The following NAV2 variants were observed in gnomAD, a reference collection of about 807,000 sequenced individuals.
NAV2 encodes the protein helicase, APC down-regulated 1.
Under a neutral mutation model 223.2 loss-of-function variants are expected in NAV2, and 54 were observed. That is an observed-to-expected ratio of 0.24 (90% CI 0.19 to 0.30). The LOEUF (loss-of-function observed/expected upper bound fraction) is 0.30, where lower values mean the gene tolerates loss of function less well. Ranked by LOEUF, NAV2 falls within the 10% of genes least tolerant of loss-of-function variation. NAV2 has a pLI of 1.00. For synonymous variants in NAV2, 1,279 were observed against 1,239.3 expected (o/e 1.03, Z -0.67); for missense variants, 2,806 against 3,147.5 (o/e 0.89, Z 2.60).
rs139259056 is a variant in NAV2, at chr11:19,851,065, C to G, written c.438+8142C>G. On this transcript the variant is annotated intron_variant, in intron 3 of 37. Coordinates refer to ENST00000349880, the MANE Select transcript of NAV2 (RefSeq NM_145117.5). ...GTATAGCAAACACTTAGAGTAGGTA[C>G]TGGTTTAGATATTTTATCTGTATTG... is the stretch of plus-strand genomic sequence containing the variant. Among the ~76,000 whole-genome samples, 445 of 152,254 alleles carry G rather than the reference C, an allele frequency of 2.9e-3. 5 individuals are homozygous for G. Among genetic ancestry groups the G allele is most frequent in the African/African-American group, 0.01 (424 of 41,540 alleles).
rs1429837209 is a variant in NAV2 at position 19,948,861 on chromosome 11, A to G, written c.2426A>G (p.Asn809Ser). Residue 809 changes from asparagine to serine, a missense_variant, in exon 10 of 38, where the codon AAC (asparagine) becomes AGC (serine). Physicochemically the swap from Asn to Ser is conservative, Grantham distance 46. Coordinates refer to ENST00000349880, the MANE Select transcript of NAV2 (RefSeq NM_145117.5). The stretch of plus-strand genomic sequence containing the variant: ...GGCAATGGGTATCCCCCTCGAGCCA[A>G]CGCCAGCAGGTTCATCAACACTGAG... ...SMGNGYPPRA[N>S]ASRFINTESG... 12 of 1,614,062 alleles carry G rather than the reference A, an allele frequency of 7.4e-6. No homozygotes were observed. Among genetic ancestry groups the G allele is most frequent in the East Asian group, 2.2e-5 (1 of 44,834 alleles).
At chr11:19,535,679 C>T (rs892794005) in intron 1 of NAV2, among the ~76,000 whole-genome samples, 1 of 152,172 alleles carries the variant, frequency 6.6e-6, no homozygotes, top group Admixed American at 6.5e-5. Flanking sequence ...CACAGGGTCT[C>T]ATCATTCCTG....
rs551485611 is a variant in NAV2 at position 19,784,996 on chromosome 11, C to T, written c.268-47488C>T. On this transcript the variant is annotated intron_variant, in intron 1 of 37. Coordinates refer to ENST00000349880, the MANE Select transcript of NAV2 (RefSeq NM_145117.5). The stretch of plus-strand genomic sequence containing the variant: ...GATTAATGTTAGGGTTGGAAATTTA[C>T]CTGAGCAGTGGACTTGGGAGATGAG... Among the ~76,000 whole-genome samples the T allele has an allele frequency of 1.8e-4, 28 of 152,260 alleles. 1 individual carries two copies. The highest frequency in any genetic ancestry group is 6.7e-4 in the African/African-American group (28 of 41,544).
intron 1 of NAV2, among the ~76,000 whole-genome samples, chr11:19,388,336 C>A (rs1235021886): frequency 6.6e-6 from 1 of 152,192 alleles, no homozygotes; most frequent in African/African-American, 2.4e-5. Flanking sequence ...CCCAGCTGTT[C>A]CCAGTCCCAG....
chr11:19,365,274 T>C (rs946136813), intron 1 of NAV2, among the ~76,000 whole-genome samples: 1 of 152,244 alleles, frequency 6.6e-6, no homozygotes, highest in Non-Finnish European at 1.5e-5. Context: ...TTCTATCCAT[T>C]TGAAACCTTC....
chr11:19,440,627 T>A (rs1397755065), intron 1 of NAV2, among the ~76,000 whole-genome samples: 1 of 152,216 alleles, frequency 6.6e-6, no homozygotes, highest in African/African-American at 2.4e-5. Flanking sequence ...TGTGTTAGGT[T>A]AAGTGCAGTC....
chr11:19,379,606 G>A lies in NAV2; in HGVS notation c.75+28579G>A, dbSNP rs1372969936. On this transcript the variant is annotated intron_variant, in intron 1 of 37. Coordinates refer to the NAV2 transcript ENST00000360655. ...TCCTTAGATTACTGACACCTGCTGG[G>A]CTTGGCCACATCCGCTGCCCTGACT... is the stretch of plus-strand genomic sequence containing the variant. Among the ~76,000 whole-genome samples the A allele has an allele frequency of 1.1e-4, 16 of 152,176 alleles. 1 individual carries two copies. The highest frequency in any genetic ancestry group is 7.2e-5 in the African/African-American group (3 of 41,432).
In NAV2 at chr11:20,093,094, C is replaced by A; in HGVS notation, c.5816-5C>A. 1.2e-6 allele frequency: 2 copies of A among 1,607,520 alleles called. No homozygotes were observed. Among genetic ancestry groups the A allele is most frequent in the Non-Finnish European group, 1.7e-6 (2 of 1,175,806 alleles). ...CCTAAGGCTGTTGATGTTTTCCATTCGCAGACATGTTGCTGGATGACACTG... is the reference window on the plus strand; with the variant it reads ...CCTAAGGCTGTTGATGTTTTCCATTAGCAGACATGTTGCTGGATGACACTG... On this transcript the variant is annotated splice_region_variant and splice_polypyrimidine_tract_variant and intron_variant, in intron 28 of 37. Transcript: ENST00000349880.
chr11:20,047,837 C>A (rs1018431579), intron 14 of NAV2, among the ~76,000 whole-genome samples: 3 of 152,224 alleles, frequency 2.0e-5, no homozygotes, highest in Admixed American at 6.5e-5. Flanking sequence ...AGTTTTGTCA[C>A]TTGTGAGATA....
chr11:19,623,189 C>T (rs920646240), intron 1 of NAV2, among the ~76,000 whole-genome samples: 2 of 152,130 alleles, frequency 1.3e-5, no homozygotes, highest in African/African-American at 4.8e-5. Flanking sequence ...TTTCTGGCTG[C>T]CCTTAACATT....
chr11:19,394,282 C>G (rs1849363756), intron 1 of NAV2, among the ~76,000 whole-genome samples: 1 of 152,048 alleles, frequency 6.6e-6, no homozygotes, highest in Admixed American at 6.6e-5. Context: ...TTCTATTTCT[C>G]TTTTAGGTAT....
intron 1 of NAV2, among the ~76,000 whole-genome samples, chr11:19,532,763 A>G (rs1183817437): frequency 6.6e-6 from 1 of 152,212 alleles, no homozygotes; most frequent in African/African-American, 2.4e-5. Context: ...CTGGAGCCCA[A>G]GGGCAACCCC....
chr11:19,526,813 T>C (rs1170677767), intron 1 of NAV2, among the ~76,000 whole-genome samples: 3 of 152,200 alleles, frequency 2.0e-5, no homozygotes, highest in African/African-American at 7.2e-5. Flanking sequence ...ATTACTTCCC[T>C]GGGCCAACTT....
chr11:19,372,043 C>G (rs144703324), intron 1 of NAV2, among the ~76,000 whole-genome samples: 17 of 152,140 alleles, frequency 1.1e-4, no homozygotes, highest in Non-Finnish European at 2.2e-4. Flanking sequence ...CCTCCTGAAG[C>G]GCTGGGATTA....
chr11:19,598,958 C>G (rs779965174), intron 1 of NAV2, among the ~76,000 whole-genome samples: 2 of 152,156 alleles, frequency 1.3e-5, no homozygotes, highest in African/African-American at 4.8e-5. Context: ...AGCTTCCCCC[C>G]ATTTGAAATG....
chr11:19,638,934 G>A lies in NAV2; in HGVS notation c.76-193550G>A, dbSNP rs186796945. Among the ~76,000 whole-genome samples, 637 of 152,270 alleles carry A rather than the reference G, an allele frequency of 4.2e-3. 4 individuals carry two copies. The highest frequency in any genetic ancestry group is 0.013 in the African/African-American group (533 of 41,566). On this transcript the variant is annotated intron_variant, in intron 1 of 37. Transcript: ENST00000360655. ...CTTGAACCTGGGAGGCAGAGGTTGCGGTGAGCTGAGATCGTGCCACTGCAC... is the reference window on the plus strand; with the variant it reads ...CTTGAACCTGGGAGGCAGAGGTTGCAGTGAGCTGAGATCGTGCCACTGCAC...
At chr11:20,030,205 A>C (rs2055569744) in intron 11 of NAV2, among the ~76,000 whole-genome samples, 3 of 151,944 alleles carry the variant, frequency 2.0e-5, no homozygotes, top group Admixed American at 6.6e-5. Context: ...TATTGTGTAG[A>C]GTGAAGGTGA....
chr11:19,482,609 CA>C (rs1461382476), intron 1 of NAV2, among the ~76,000 whole-genome samples: 6 of 152,162 alleles, frequency 3.9e-5, no homozygotes, highest in Admixed American at 1.3e-4. Context: ...ACCACACCAG[CA>C]CCGCCCTCCC....
At chr11:19,974,199 G>T (rs940209586) in intron 10 of NAV2, among the ~76,000 whole-genome samples, 3 of 152,164 alleles carry the variant, frequency 2.0e-5, no homozygotes, top group Non-Finnish European at 4.4e-5. Flanking sequence ...TTCCGCCCAG[G>T]TCTCATGATT....
Sources: allele counts gnomAD v4.1 joint callset (sites outside exome capture counted in the v4.1 genomes callset), GRCh38; gene constraint gnomAD v4.1.1; transcripts MANE v1.5; gene names NCBI Gene and HGNC (gene_info 2026-07-23, HGNC 2026-07-21).